The following CCDC191 variants were observed in gnomAD, a reference collection of about 807,000 sequenced individuals.
The protein encoded by CCDC191 is coiled-coil domain containing 191.
CCDC191 carries 99 observed loss-of-function variants against 114.0 expected under a neutral mutation model. The observed-to-expected ratio is 0.87, with a 90% CI of 0.74 to 1.03. CCDC191 has a LOEUF of 1.03. Ranked by LOEUF, CCDC191 falls within the 50% of genes least tolerant of loss-of-function variation. The pLI, the probability that CCDC191 is intolerant of heterozygous loss-of-function variation, is 0.00. For missense variants in CCDC191, 973 were observed against 1,087.0 expected (o/e 0.90, Z 1.47); for synonymous variants, 351 against 376.0 (o/e 0.93, Z 0.77).
At chr3:114,049,115 G>GA (rs2076667942) in intron 2 of CCDC191, among the ~76,000 whole-genome samples, 1 of 152,154 alleles carries the variant, frequency 6.6e-6, no homozygotes, top group Non-Finnish European at 1.5e-5. Flanking sequence ...AGGGTAATTT[G>GA]AAAAAGATGT....
intron 4 of CCDC191, among the ~76,000 whole-genome samples, chr3:114,042,084 T>C (rs2076570201): frequency 6.6e-6 from 1 of 152,240 alleles, no homozygotes; most frequent in East Asian, 1.9e-4. Context: ...AAAAATGACA[T>C]ATGAGTACTT....
rs551048309 is a variant in CCDC191 at position 114,044,256 on chromosome 3, G to A, written c.272-1410C>T. Among the ~76,000 whole-genome samples, 5 of 152,212 alleles carry A rather than the reference G, an allele frequency of 3.3e-5. No individual in the cohort carries two copies. The East Asian group carries it at 9.7e-4, about 29-fold the overall frequency. ...GATTTAGCGGTTGAAGAGAGAAGGTGGAACTAGGAAAGCTGACTAGGCCAT... is the reference window on the plus strand; with the variant it reads ...GATTTAGCGGTTGAAGAGAGAAGGTAGAACTAGGAAAGCTGACTAGGCCAT... On this transcript the variant is annotated intron_variant, in intron 3 of 16. Coordinates refer to ENST00000295878, the MANE Select transcript of CCDC191 (RefSeq NM_020817.2).
chr3:114,028,275 A>ATTTTTTTTTT (rs920211150), intron 7 of CCDC191, among the ~76,000 whole-genome samples: 13 of 126,874 alleles, frequency 1.0e-4, no homozygotes, highest in East Asian at 2.3e-4. Context: ...AATTCTAAAA[A>ATTTTTTTTTT]TTTTTTTTTT....
intron 13 of CCDC191, among the ~76,000 whole-genome samples, chr3:113,998,535 G>T (rs1267020872): frequency 5.3e-5 from 8 of 152,090 alleles, no homozygotes; most frequent in African/African-American, 1.9e-4. Flanking sequence ...GGCCATGGTG[G>T]CAGAAACAGA....
chr3:114,056,299 G>C (rs570390796), intron 1 of CCDC191, 78 bp downstream of exon 1: 1 of 1,391,048 alleles, frequency 7.2e-7, no homozygotes, highest in Non-Finnish European at 1.0e-6. Context: ...AGGAAGCACA[G>C]ACGGGCCGCG....
chr3:114,046,947 T>G (rs531771045), intron 2 of CCDC191: 1 of 959,634 alleles, frequency 1.0e-6, no homozygotes, highest in South Asian at 4.8e-5. Flanking sequence ...TTTTACCAAG[T>G]TCTAACAGAT....
intron 8 of CCDC191, among the ~76,000 whole-genome samples, chr3:114,015,740 T>C (rs905712332): frequency 6.6e-6 from 1 of 152,256 alleles, no homozygotes; most frequent in Non-Finnish European, 1.5e-5. Context: ...TATTTGTTCA[T>C]GTTGAAGCTG....
intron 16 of CCDC191, among the ~76,000 whole-genome samples, chr3:113,974,874 CTT>C (rs1941174427): frequency 6.6e-6 from 1 of 152,134 alleles, no homozygotes. Flanking sequence ...CAATCTCTCT[CTT>C]TCTCTCTAAT....
chr3:114,005,364 A>G (rs2075934128), intron 10 of CCDC191, 144 bp downstream of exon 10: 1 of 735,402 alleles, frequency 1.4e-6, no homozygotes, highest in Non-Finnish European at 2.2e-6. Flanking sequence ...TATACTAGTC[A>G]TAACTAGGCT....
chr3:113,980,711 A>T lies in CCDC191; in HGVS notation c.2246T>A (p.Leu749Gln). The T allele has an allele frequency of 6.2e-7, 1 of 1,609,032 alleles. No individual in the cohort carries two copies. The change falls in exon 14 of 17, where the codon CTA becomes CAA. Residue 749 changes from leucine (L) to glutamine (Q), a missense_variant. By Grantham distance (113) the Leu-to-Gln change is moderately radical (BLOSUM62 -2). Transcript: ENST00000295878. ...IAKEHYERVL[L>Q]RKKGLEPWKR... ...CCAAGGCTCTAGACCTTTTTTCCTT[A>T]GCAAGACCCTTTCATAATGTTCTTT...
Position 114,005,861 on chromosome 3 carries a change from A to G in CCDC191, c.1515T>C (p.Gly505=), listed in dbSNP as rs764471489. The change falls in exon 10 of 17, where the codon GGT becomes GGC. Residue 505 remains glycine, a synonymous_variant. Transcript: ENST00000295878. The part of the protein sequence containing the change: ...LGRTTTGNLQ[G]SLQNVSLSAP... ...CACTCAGAGAGACATTCTGAAGGGA[A>G]CCCTGCAAGTTGCCTGTTGTTGTTC... 22 of 1,613,872 alleles carry G rather than the reference A, an allele frequency of 1.4e-5. No homozygotes were observed. In the African/African-American group the frequency reaches 2.8e-4, roughly 21 times the overall value.
In CCDC191 at chr3:113,986,163, T is replaced by TA. The variant is rs1266740843; in HGVS notation, c.2164-5371dup. On this transcript the variant is annotated intron_variant, in intron 13 of 16. Coordinates refer to ENST00000295878, the MANE Select transcript of CCDC191 (RefSeq NM_020817.2). The stretch of plus-strand genomic sequence containing the variant: ...AGATTCAAAATAAAAATGCTAGAAA[T>TA]AAAAAAACACATGGTAATAGAGATA... Among the ~76,000 whole-genome samples the TA allele has an allele frequency of 9.9e-5, 15 of 151,650 alleles. No individual in the cohort carries two copies. The South Asian group carries it at 1.9e-3, about 19-fold the overall frequency.
intron 16 of CCDC191, among the ~76,000 whole-genome samples, chr3:113,973,957 G>GCTGT (rs777155111): frequency 4.0e-5 from 6 of 150,556 alleles, no homozygotes; most frequent in Non-Finnish European, 7.4e-5. Context: ...TATCTTGTAG[G>GCTGT]CTGTCTTCAT....
At chr3:114,026,750 T>G (rs2076326584) in intron 7 of CCDC191, among the ~76,000 whole-genome samples, 1 of 152,212 alleles carries the variant, frequency 6.6e-6, no homozygotes, top group African/African-American at 2.4e-5. Context: ...TGAGGTGGAC[T>G]TTTGGAAGGT....
intron 7 of CCDC191, among the ~76,000 whole-genome samples, chr3:114,030,192 T>C (rs2076384411): frequency 6.6e-6 from 1 of 152,198 alleles, no homozygotes; most frequent in South Asian, 2.1e-4. Context: ...CTAAGTAATC[T>C]GTTTTCGATT....
chr3:114,041,152 A>G (rs1008109618), intron 4 of CCDC191, among the ~76,000 whole-genome samples: 1 of 152,192 alleles, frequency 6.6e-6, no homozygotes, highest in Non-Finnish European at 1.5e-5. Flanking sequence ...TAATAGTTTC[A>G]TTAGATTCCA....
intron 13 of CCDC191, among the ~76,000 whole-genome samples, chr3:113,982,855 A>G (rs1315979324): frequency 8.9e-6 from 1 of 112,104 alleles, no homozygotes; most frequent in Non-Finnish European, 1.9e-5. Flanking sequence ...AAAACAAAAA[A>G]ACAAAAAAAA....
chr3:113,970,547 T>C (rs1940694738), intron 16 of CCDC191, among the ~76,000 whole-genome samples: 1 of 152,148 alleles, frequency 6.6e-6, no homozygotes, highest in Non-Finnish European at 1.5e-5. Context: ...AGTGGGCATT[T>C]TGGTCCTGGC....
intron 6 of CCDC191, among the ~76,000 whole-genome samples, chr3:114,032,094 T>C (rs1463031362): frequency 1.3e-5 from 2 of 152,150 alleles, no homozygotes; most frequent in Admixed American, 1.3e-4. Context: ...AACTACAAGA[T>C]AGTCTCTAAT....
Sources: allele counts gnomAD v4.1 joint callset (sites outside exome capture counted in the v4.1 genomes callset), GRCh38; gene constraint gnomAD v4.1.1; transcripts MANE v1.5; gene names NCBI Gene and HGNC (gene_info 2026-07-23, HGNC 2026-07-21).